The following SNX29 variants were observed in gnomAD, a reference collection of about 807,000 sequenced individuals.
The protein encoded by SNX29 is sorting nexin-29.
SNX29 carries 78 observed loss-of-function variants against 102.1 expected under a neutral mutation model. That is an observed-to-expected ratio of 0.76 (90% CI 0.64 to 0.92). SNX29 has a LOEUF of 0.92. SNX29 is among the 40% of genes least tolerant of loss of function. The pLI is 0.00. For missense variants in SNX29, 1,280 were observed against 1,061.7 expected (o/e 1.21, Z -2.86); for synonymous variants, 580 against 414.5 (o/e 1.40, Z -4.85).
At chr16:12,063,415 C>T (rs1466154564) in intron 9 of SNX29, among the ~76,000 whole-genome samples, 1 of 108,156 alleles carries the variant, frequency 9.2e-6, no homozygotes, top group Admixed American at 1.1e-4. Context: ...CACTCTGTCA[C>T]CCAGGCTGGA....
chr16:11,988,048 C>G (rs1355992235), intron 1 of SNX29, among the ~76,000 whole-genome samples: 1 of 152,104 alleles, frequency 6.6e-6, no homozygotes, highest in Non-Finnish European at 1.5e-5. Context: ...AATCCCAGCA[C>G]TTTGGGAGGC....
rs553589999 is a variant in SNX29 at position 12,426,778 on chromosome 16, G to A, written c.2037+23249G>A. On this transcript the variant is annotated intron_variant, in intron 18 of 20. Transcript: ENST00000566228. ...CCTCCCGGGTTCAAGCGATTCTTGT[G>A]CCTTGGCTACCTATGTAGCTGGGAT... 2.6e-5 allele frequency among the ~76,000 whole-genome samples: 4 copies of A among 152,286 alleles called. No individual in the cohort carries two copies. The South Asian group carries it at 8.3e-4, about 32-fold the overall frequency.
intron 15 of SNX29, among the ~76,000 whole-genome samples, chr16:12,337,794 T>G (rs922008597): frequency 6.6e-6 from 1 of 152,192 alleles, no homozygotes; most frequent in African/African-American, 2.4e-5. Context: ...ACCCTGAGAT[T>G]TTGCTGCCAT....
At chr16:12,082,757 G>A (rs1466500960) in intron 11 of SNX29, among the ~76,000 whole-genome samples, 2 of 152,016 alleles carry the variant, frequency 1.3e-5, no homozygotes, top group African/African-American at 2.4e-5. Context: ...TGTCTTCTGC[G>A]GTGCCTGTAC....
chr16:12,076,333 C>T (rs1160394742), intron 10 of SNX29, among the ~76,000 whole-genome samples: 1 of 146,732 alleles, frequency 6.8e-6, no homozygotes, highest in Admixed American at 6.8e-5. Flanking sequence ...GACAGTCTTA[C>T]TCTGTCGCCC....
chr16:12,522,674 A>C (rs1391022107), intron 19 of SNX29, among the ~76,000 whole-genome samples: 2 of 152,144 alleles, frequency 1.3e-5, no homozygotes, highest in South Asian at 4.1e-4. Flanking sequence ...GATGTGCCTG[A>C]GTCCCCTTTG....
intron 20 of SNX29, among the ~76,000 whole-genome samples, chr16:12,551,756 T>G (rs1343858314): frequency 2.6e-5 from 4 of 152,244 alleles, no homozygotes; most frequent in African/African-American, 9.6e-5. Flanking sequence ...CCTGGCTGCC[T>G]TGTACACATA....
At chr16:12,347,961 C>T (rs1292247056) in intron 15 of SNX29, among the ~76,000 whole-genome samples, 1 of 151,496 alleles carries the variant, frequency 6.6e-6, no homozygotes, top group African/African-American at 2.4e-5. Flanking sequence ...TGGCTGTAGT[C>T]CCAGCTACTT....
chr16:12,479,510 C>T (rs1356251893), intron 19 of SNX29, among the ~76,000 whole-genome samples: 1 of 152,164 alleles, frequency 6.6e-6, no homozygotes, highest in Non-Finnish European at 1.5e-5. Context: ...TTATCCCAGG[C>T]CCAGAATACA....
Position 12,312,528 on chromosome 16 carries a change from G to A in SNX29, c.1782+34492G>A, listed in dbSNP as rs143392546. ...TGTCCCATTGAGGCAGGTTTTACCC[G>A]GAAATAAGCTCCACGAGCCAGAAGC... On this transcript the variant is annotated intron_variant, in intron 15 of 20. Transcript: ENST00000566228. 9.7e-3 allele frequency among the ~76,000 whole-genome samples: 1,476 copies of A among 152,218 alleles called. 21 individuals are homozygous for A. The highest frequency in any genetic ancestry group is 0.034 in the African/African-American group (1,401 of 41,516).
chr16:12,103,573 T>A (rs2053108188), intron 11 of SNX29, among the ~76,000 whole-genome samples: 1 of 152,214 alleles, frequency 6.6e-6, no homozygotes, highest in Non-Finnish European at 1.5e-5. Context: ...ATGTAAGATC[T>A]AAAACCATAA....
intron 20 of SNX29, among the ~76,000 whole-genome samples, chr16:12,539,413 T>C (rs1317072553): frequency 6.6e-6 from 1 of 152,126 alleles, no homozygotes; most frequent in Admixed American, 6.6e-5. Context: ...CGTCAAGTCG[T>C]TGGGTGAGTC....
At chr16:12,153,263 T>C (rs1005676932) in intron 13 of SNX29, among the ~76,000 whole-genome samples, 4 of 151,816 alleles carry the variant, frequency 2.6e-5, no homozygotes, top group Non-Finnish European at 2.9e-5. Context: ...ACCCTGTCTC[T>C]GAATGAATGA....
chr16:12,566,635 C>CT (rs1406273966), intron 20 of SNX29, among the ~76,000 whole-genome samples: 1 of 152,206 alleles, frequency 6.6e-6, no homozygotes, highest in Non-Finnish European at 1.5e-5. Context: ...CAAAGACCTC[C>CT]TTCCAGCATC....
rs538491640 is a variant in SNX29 at position 12,561,625 on chromosome 16, A to C, written c.2319-6881A>C. ...AGGACACAACGCAGTGTACCCCAAG[A>C]GGCTTATTAAAAAGAACAGCCACTC... On this transcript the variant is annotated intron_variant, in intron 20 of 20. Coordinates refer to ENST00000566228, the MANE Select transcript of SNX29 (RefSeq NM_032167.5). 2.8e-3 allele frequency among the ~76,000 whole-genome samples: 421 copies of C among 152,282 alleles called. 1 individual carries two copies. Among genetic ancestry groups the C allele is most frequent in the Middle Eastern group, 0.02 (6 of 294 alleles).
chr16:12,336,872 G>C (rs766784392), intron 15 of SNX29, among the ~76,000 whole-genome samples: 3 of 152,204 alleles, frequency 2.0e-5, no homozygotes, highest in Non-Finnish European at 4.4e-5. Flanking sequence ...CTTGAGTCCA[G>C]GAAGTTGTGG....
intron 15 of SNX29, among the ~76,000 whole-genome samples, chr16:12,320,627 G>T (rs1375223442): frequency 1.3e-5 from 2 of 152,130 alleles, no homozygotes; most frequent in Non-Finnish European, 2.9e-5. Context: ...GTTCTGAATT[G>T]CCCACTGTGT....
intron 18 of SNX29, among the ~76,000 whole-genome samples, chr16:12,423,735 T>C (rs1276329201): frequency 1.3e-5 from 2 of 152,130 alleles, no homozygotes; most frequent in Admixed American, 1.3e-4. Flanking sequence ...CAAGCCTGGC[T>C]AAGTTTTTGT....
At chr16:12,012,313 T>C (rs1318680340) in intron 3 of SNX29, among the ~76,000 whole-genome samples, 1 of 126,652 alleles carries the variant, frequency 7.9e-6, no homozygotes, top group Non-Finnish European at 1.8e-5. Flanking sequence ...GAATGAGTGT[T>C]GTTTGGTTTG....
Sources: gnomAD v4.1 joint callset for allele counts (sites outside exome capture counted in the v4.1 genomes callset) on GRCh38, gnomAD v4.1.1 for gene constraint, MANE v1.5 for transcripts, NCBI Gene and HGNC (gene_info 2026-07-23, HGNC 2026-07-21) for gene names.